Variants in VWA2 observed in about 807,000 individuals in gnomAD.
The protein encoded by VWA2 is von Willebrand factor A domain-containing protein 2.
VWA2 carries 73 observed loss-of-function variants against 70.4 expected under a neutral mutation model. That is an observed-to-expected ratio of 1.04 (90% CI 0.86 to 1.26). The LOEUF is 1.26. VWA2 is among the 50% of genes most tolerant of loss of function. The pLI is 0.00. For missense variants in VWA2, 1,011 were observed against 998.5 expected (o/e 1.01, Z -0.17); for synonymous variants, 407 against 423.3 (o/e 0.96, Z 0.47).
intron 12 of VWA2, 133 bp from the exon 13 acceptor site, chr10:114,290,107 A>G (rs2039419665): frequency 7.9e-7 from 1 of 1,260,340 alleles, no homozygotes; most frequent in African/African-American, 1.5e-5. Flanking sequence ...TGCAGCACCA[A>G]CCATGAGCTA....
intron 2 of VWA2, among the ~76,000 whole-genome samples, chr10:114,252,245 C>T (rs779724965): frequency 1.1e-4 from 16 of 152,154 alleles, no homozygotes; most frequent in Non-Finnish European, 1.9e-4. Context: ...AAAACAGCAG[C>T]GGCAGACTGT....
At chr10:114,244,089 T>A (rs2037021176) in intron 1 of VWA2, among the ~76,000 whole-genome samples, 1 of 152,240 alleles carries the variant, frequency 6.6e-6, no homozygotes, top group African/African-American at 2.4e-5. Flanking sequence ...TTCCAGCCCC[T>A]GGCTTGCAGA....
intron 2 of VWA2, among the ~76,000 whole-genome samples, chr10:114,250,196 T>G (rs561218840): frequency 6.6e-6 from 1 of 152,374 alleles, no homozygotes; most frequent in South Asian, 2.1e-4. Flanking sequence ...TTCCATAAGA[T>G]GTAAGGTCCT....
chr10:114,253,130 G>A (rs2037233612), intron 2 of VWA2, among the ~76,000 whole-genome samples: 1 of 145,612 alleles, frequency 6.9e-6, no homozygotes, highest in Admixed American at 6.9e-5. Context: ...TTGGTTCACT[G>A]TTCAGCAATC....
At chr10:114,290,180 G>A (rs2039427373) in intron 12 of VWA2, 60 bp from the exon 13 acceptor site, 1 of 1,539,116 alleles carries the variant, frequency 6.5e-7, no homozygotes. Flanking sequence ...CTTAGGGTAG[G>A]GGTCTTCGGG....
chr10:114,253,578 T>C, intron 2 of VWA2, 73 bp from the exon 3 acceptor site: 1 of 1,330,718 alleles, frequency 7.5e-7, no homozygotes, highest in Non-Finnish European at 1.1e-6. Flanking sequence ...TTTAGTCAAG[T>C]CACTTAATGT....
At chr10:114,248,198 T>TTC (rs2037114847) in intron 1 of VWA2, among the ~76,000 whole-genome samples, 1 of 152,214 alleles carries the variant, frequency 6.6e-6, no homozygotes, top group South Asian at 2.1e-4. Context: ...AGTGCAGGCT[T>TTC]TCTTCAGATG....
At chr10:114,245,977 A>T in intron 1 of VWA2, 2 of 500,186 alleles carry the variant, frequency 4.0e-6, no homozygotes, top group South Asian at 3.7e-5. Context: ...CATCATGGAA[A>T]TAACCACACA....
intron 12 of VWA2, 112 bp from the exon 13 acceptor site, chr10:114,290,128 G>A: frequency 3.5e-6 from 5 of 1,420,956 alleles, no homozygotes; most frequent in Non-Finnish European, 4.7e-6. Context: ...CCGGGGCAAA[G>A]GGAGACATGA....
At chr10:114,256,540 C>T (rs2037331913) in intron 4 of VWA2, among the ~76,000 whole-genome samples, 2 of 152,112 alleles carry the variant, frequency 1.3e-5, no homozygotes, top group Non-Finnish European at 2.9e-5. Flanking sequence ...GGCACAAGGC[C>T]AGAGGCAGAC....
At chr10:114,246,931 G>A (rs910473923) in intron 1 of VWA2, among the ~76,000 whole-genome samples, 1 of 152,174 alleles carries the variant, frequency 6.6e-6, no homozygotes, top group African/African-American at 2.4e-5. Context: ...GTAGCCACAA[G>A]AATTGTGCTA....
chr10:114,258,713 C>T (rs2037381672), intron 4 of VWA2, among the ~76,000 whole-genome samples: 1 of 152,238 alleles, frequency 6.6e-6, no homozygotes, highest in Non-Finnish European at 1.5e-5. Flanking sequence ...TTCACCCACA[C>T]ATTTTCCATT....
rs1177422728 is a variant in VWA2 at position 114,239,377 on chromosome 10, G to A, written c.-203G>A. ...GCGAGGGGCTCTATGCACCTCCCTG[G>A]CGGTAGTTCCTCCGACCTCAGCCGG... On this transcript the variant is annotated 5_prime_UTR_variant, in exon 1 of 14. Coordinates refer to ENST00000392982, the MANE Select transcript of VWA2 (RefSeq NM_001272046.2). 2.0e-5 allele frequency: 3 copies of A among 152,240 alleles called. No homozygotes were observed. The highest frequency in any genetic ancestry group is 4.4e-5 in the Non-Finnish European group (3 of 68,048). The allele number at this position is 152,240 out of a possible 1,614,324, so 9.4% of individuals were successfully genotyped here.
intron 4 of VWA2, among the ~76,000 whole-genome samples, chr10:114,258,973 C>G (rs565800813): frequency 9.2e-5 from 14 of 152,260 alleles, no homozygotes; most frequent in Non-Finnish European, 1.9e-4. Flanking sequence ...TAATTAACCC[C>G]TATTGATGGA....
intron 1 of VWA2, among the ~76,000 whole-genome samples, chr10:114,247,189 GAA>G (rs78485491): frequency 2.9e-4 from 40 of 139,174 alleles, no homozygotes; most frequent in African/African-American, 7.1e-4. Flanking sequence ...TTTTAAGTGT[GAA>G]AAAAAAAAAA....
At chr10:114,251,727 C>T (rs928467246) in intron 2 of VWA2, among the ~76,000 whole-genome samples, 1 of 151,234 alleles carries the variant, frequency 6.6e-6, no homozygotes, top group African/African-American at 2.4e-5. Flanking sequence ...GTGAGGGGCT[C>T]GTGGGAACAG....
rs116351221 is a variant in VWA2, at chr10:114,273,321, C to G, written c.566+387C>G. 5.6e-3 allele frequency among the ~76,000 whole-genome samples: 855 copies of G among 152,300 alleles called. 4 individuals are homozygous for G. Among genetic ancestry groups the G allele is most frequent in the African/African-American group, 0.02 (820 of 41,562 alleles). On this transcript the variant is annotated intron_variant, in intron 6 of 13. Transcript: ENST00000392982. Reference sequence around the variant, plus strand: ...TGCTGTTCTCTGCCTGTTGCCTCCTCTCGTACCCTGACTTTATTAGGAAGC... The same window carrying G: ...TGCTGTTCTCTGCCTGTTGCCTCCTGTCGTACCCTGACTTTATTAGGAAGC...
At chr10:114,255,090 T>C in intron 4 of VWA2, 42 bp downstream of exon 4, 2 of 1,605,168 alleles carry the variant, frequency 1.2e-6, no homozygotes, top group Non-Finnish European at 1.7e-6. Context: ...GGGCGTCTTC[T>C]GTGATAAGGG....
At chr10:114,288,070 C>T (rs1431671165) in intron 11 of VWA2, among the ~76,000 whole-genome samples, 1 of 152,196 alleles carries the variant, frequency 6.6e-6, no homozygotes, top group Non-Finnish European at 1.5e-5. Flanking sequence ...CCCCTTTGCA[C>T]TTGGAATAAA....
Sources: allele counts gnomAD v4.1 joint callset (sites outside exome capture counted in the v4.1 genomes callset), GRCh38; gene constraint gnomAD v4.1.1; transcripts MANE v1.5; gene names NCBI Gene and HGNC (gene_info 2026-07-23, HGNC 2026-07-21).